CRACDL: variants seen among roughly 807,000 people sequenced by gnomAD.
The protein encoded by CRACDL is CRACD like.
CRACDL carries 26 observed loss-of-function variants against 70.6 expected under a neutral mutation model. That is an observed-to-expected ratio of 0.37 (90% CI 0.27 to 0.51). The LOEUF (loss-of-function observed/expected upper bound fraction) is 0.51, where lower values mean the gene tolerates loss of function less well. Among genes scored for constraint, CRACDL ranks in the 20% least tolerant of loss-of-function variants. The probability of loss-of-function intolerance (pLI) is 0.94; values close to 1 mark genes in which losing one functional copy is unlikely to be tolerated. For missense variants in CRACDL, 1,283 were observed against 1,376.9 expected (o/e 0.93, Z 1.08); for synonymous variants, 618 against 615.2 (o/e 1.00, Z -0.07).
At chr2:98,869,060 T>C (rs1322713066) in intron 1 of CRACDL, 5 of 1,299,070 alleles carry the variant, frequency 3.8e-6, no homozygotes, top group Non-Finnish European at 5.1e-6. Flanking sequence ...ACCACCTCTT[T>C]GCTCTCAGAG....
intron 1 of CRACDL, among the ~76,000 whole-genome samples, chr2:98,855,340 C>T (rs566907624): frequency 4.4e-4 from 66 of 151,640 alleles, no homozygotes; most frequent in African/African-American, 1.5e-3. Flanking sequence ...ATTTTCTGAG[C>T]TCACTAATAG....
At chr2:98,815,094 C>T (rs1183276161) in intron 7 of CRACDL, among the ~76,000 whole-genome samples, 1 of 152,042 alleles carries the variant, frequency 6.6e-6, no homozygotes, top group Non-Finnish European at 1.5e-5. Flanking sequence ...CAAGAGTACT[C>T]ATTTTTACTT....
intron 1 of CRACDL, among the ~76,000 whole-genome samples, chr2:98,847,903 G>A (rs960858124): frequency 3.9e-5 from 6 of 152,158 alleles, no homozygotes; most frequent in African/African-American, 1.4e-4. Flanking sequence ...GTGTGTGCCC[G>A]AGTTGGCTCT....
chr2:98,874,354 T>A (rs1707426296), intron 1 of CRACDL, among the ~76,000 whole-genome samples: 1 of 152,222 alleles, frequency 6.6e-6, no homozygotes. Context: ...GTTGCCCCCC[T>A]GATGGTTTCT....
intron 4 of CRACDL, among the ~76,000 whole-genome samples, 165 bp downstream of exon 4, chr2:98,832,697 G>A (rs1262881280): frequency 6.6e-6 from 1 of 152,146 alleles, no homozygotes; most frequent in East Asian, 1.9e-4. Flanking sequence ...ATCTAAGAAT[G>A]AGTCGAGATC....
chr2:98,913,650 A>T (rs4851174), intron 1 of CRACDL, among the ~76,000 whole-genome samples: 1 of 151,770 alleles, frequency 6.6e-6, no homozygotes, highest in Non-Finnish European at 1.5e-5. Context: ...TCCCACCCAA[A>T]GGCAAGTCTG....
chr2:98,907,917 G>A (rs1228020564), intron 1 of CRACDL, among the ~76,000 whole-genome samples: 1 of 152,194 alleles, frequency 6.6e-6, no homozygotes, highest in African/African-American at 2.4e-5. Context: ...GGGTGATGAG[G>A]GAGTATTTCT....
intron 1 of CRACDL, among the ~76,000 whole-genome samples, chr2:98,866,714 G>A (rs1288197860): frequency 1.3e-5 from 2 of 150,480 alleles, no homozygotes; most frequent in Admixed American, 6.6e-5. Context: ...GGCTGGTCTC[G>A]AACTCCTGAC....
At chr2:98,867,663 A>G (rs1025101367) in intron 1 of CRACDL, among the ~76,000 whole-genome samples, 2 of 152,156 alleles carry the variant, frequency 1.3e-5, no homozygotes, top group African/African-American at 2.4e-5. Flanking sequence ...ATATAAATTC[A>G]CTCTAACGCT....
chr2:98,804,656 G>A (rs1449803848), intron 7 of CRACDL, among the ~76,000 whole-genome samples: 1 of 152,170 alleles, frequency 6.6e-6, no homozygotes, highest in East Asian at 1.9e-4. Context: ...TAAGCCCAAG[G>A]AGGCTGTGAT....
rs569760958 is a variant in CRACDL at position 98,933,956 on chromosome 2, G to A, written c.-11+1982C>T. Among the ~76,000 whole-genome samples, 11 of 152,250 alleles carry A rather than the reference G, an allele frequency of 7.2e-5. No individual in the cohort carries two copies. In the South Asian group the frequency reaches 8.3e-4, roughly 11 times the overall value. The stretch of plus-strand genomic sequence containing the variant: ...TGGGGGCCCATTCCTCATAGAAGGC[G>A]CCTCCTCACAGTGTCCTCACATGGT... On this transcript the variant is annotated intron_variant, in intron 1 of 9. Coordinates refer to ENST00000397899, the MANE Select transcript of CRACDL (RefSeq NM_207362.3).
At chr2:98,920,357 G>C (rs1404780975) in intron 1 of CRACDL, among the ~76,000 whole-genome samples, 1 of 152,118 alleles carries the variant, frequency 6.6e-6, no homozygotes, top group Non-Finnish European at 1.5e-5. Context: ...TGCAGGCAGA[G>C]GACTACACTG....
chr2:98,846,580 A>G, intron 2 of CRACDL, 151 bp downstream of exon 2: 1 of 620,760 alleles, frequency 1.6e-6, no homozygotes, highest in Non-Finnish European at 2.9e-6. Flanking sequence ...CCCCAGTCAC[A>G]GCGTGAAGGG....
chr2:98,934,960 T>C (rs1251849189), intron 1 of CRACDL, among the ~76,000 whole-genome samples: 7 of 152,204 alleles, frequency 4.6e-5, no homozygotes, highest in African/African-American at 1.7e-4. Flanking sequence ...CACACGACAC[T>C]GTCTCTAGAT....
intron 1 of CRACDL, among the ~76,000 whole-genome samples, chr2:98,889,307 G>GAAAGAAAGAAAT (rs1315008618): frequency 1.8e-5 from 1 of 54,178 alleles, no homozygotes; most frequent in Non-Finnish European, 3.4e-5. Context: ...AAGAAAGAAA[G>GAAAGAAAGAAAT]AAAGAAAGAA....
chr2:98,869,465 T>A, intron 1 of CRACDL: 1 of 267,482 alleles, frequency 3.7e-6, no homozygotes, highest in Non-Finnish European at 7.3e-6. Context: ...CTCGCCTCCC[T>A]GTGATTGGCA....
chr2:98,816,041 T>C (rs867159504), intron 7 of CRACDL, among the ~76,000 whole-genome samples: 2 of 151,768 alleles, frequency 1.3e-5, no homozygotes, highest in African/African-American at 4.8e-5. Context: ...CCATAGGGGC[T>C]GGTGGTGGGG....
chr2:98,935,038 G>A (rs753446395), intron 1 of CRACDL, among the ~76,000 whole-genome samples: 3 of 152,222 alleles, frequency 2.0e-5, no homozygotes, highest in Non-Finnish European at 4.4e-5. Context: ...CATCATTCCA[G>A]GTGTGCGCCC....
At chr2:98,879,399 G>A (rs1465390029) in intron 1 of CRACDL, among the ~76,000 whole-genome samples, 6 of 152,154 alleles carry the variant, frequency 3.9e-5, no homozygotes, top group African/African-American at 1.2e-4. Flanking sequence ...TGTGGATGTG[G>A]GGTTGGCCTG....
Sources: allele counts gnomAD v4.1 joint callset (sites outside exome capture counted in the v4.1 genomes callset), GRCh38; gene constraint gnomAD v4.1.1; transcripts MANE v1.5; gene names NCBI Gene and HGNC (gene_info 2026-07-23, HGNC 2026-07-21).